FOXP1: variants seen among roughly 807,000 people sequenced by gnomAD.
The protein encoded by FOXP1 is forkhead box protein P1.
Under a neutral mutation model 98.2 loss-of-function variants are expected in FOXP1, and 15 were observed. That is an observed-to-expected ratio of 0.15 (90% CI 0.10 to 0.24). The LOEUF (loss-of-function observed/expected upper bound fraction) is 0.24, where lower values mean the gene tolerates loss of function less well. FOXP1 is among the 10% of genes least tolerant of loss of function. FOXP1 has a pLI of 1.00. For synonymous variants in FOXP1, 371 were observed against 314.5 expected (o/e 1.18, Z -1.90); for missense variants, 633 against 848.5 (o/e 0.75, Z 3.15).
intron 13 of FOXP1, among the ~76,000 whole-genome samples, chr3:71,000,049 T>C (rs911491125): frequency 2.6e-5 from 4 of 152,282 alleles, no homozygotes; most frequent in South Asian, 2.1e-4. Context: ...GCTGTTGCAA[T>C]TGTACATTTT....
rs184046088 is a variant in FOXP1 at position 71,247,272 on chromosome 3, G to A, written c.-11-48880C>T. Among the ~76,000 whole-genome samples the A allele has an allele frequency of 4.0e-3, 604 of 152,306 alleles. 1 individual carries two copies. The highest frequency in any genetic ancestry group is 0.013 in the African/African-American group (556 of 41,570). ...GGTGTTTGACTCTGGTGGCGTTTCT[G>A]TGCTGCAGACCCCAGTCTGAGGGTG... is the stretch of plus-strand genomic sequence containing the variant. On this transcript the variant is annotated intron_variant, in intron 5 of 20. Transcript: ENST00000649528.
intron 12 of FOXP1, among the ~76,000 whole-genome samples, chr3:71,008,898 C>A (rs1168737484): frequency 6.6e-6 from 1 of 151,756 alleles, no homozygotes; most frequent in Non-Finnish European, 1.5e-5. Flanking sequence ...CCTGTGAGTC[C>A]CCCCCACCTC....
At chr3:71,349,012 G>GC (rs1358715873) in intron 4 of FOXP1, among the ~76,000 whole-genome samples, 3 of 152,068 alleles carry the variant, frequency 2.0e-5, no homozygotes, top group Non-Finnish European at 2.9e-5. Flanking sequence ...CACTAATTCT[G>GC]CCCCAACACA....
chr3:71,413,304 ACC>A (rs1290926061), intron 3 of FOXP1, among the ~76,000 whole-genome samples: 159 of 141,850 alleles, frequency 1.1e-3, no homozygotes, highest in African/African-American at 4.0e-3. Flanking sequence ...AAAACAGCCA[ACC>A]AGTATGGAAC....
chr3:71,426,370 G>A lies in FOXP1; in HGVS notation c.-168+67056C>T, dbSNP rs138601907. Among the ~76,000 whole-genome samples the A allele has an allele frequency of 1.6e-3, 241 of 152,282 alleles. 1 individual carries two copies. The highest frequency in any genetic ancestry group is 5.1e-3 in the African/African-American group (213 of 41,554). On this transcript the variant is annotated intron_variant, in intron 3 of 20. Transcript: ENST00000649528. ...AGATGTCAGGAAGGACCATGGAAAC[G>A]TATGGTATATAGTCACTGCCCTCAA...
chr3:71,541,695 A>G (rs2044834903), intron 2 of FOXP1, among the ~76,000 whole-genome samples: 1 of 152,200 alleles, frequency 6.6e-6, no homozygotes, highest in Admixed American at 6.5e-5. Flanking sequence ...TTAAAAAAAA[A>G]AAGTTAAGGC....
At chr3:71,516,227 G>C (rs532781194) in intron 2 of FOXP1, among the ~76,000 whole-genome samples, 45 of 152,232 alleles carry the variant, frequency 3.0e-4, no homozygotes, top group African/African-American at 1.1e-3. Context: ...TTTATGGTAA[G>C]GGTGCTTGAG....
intron 6 of FOXP1, among the ~76,000 whole-genome samples, chr3:71,168,336 A>T (rs979410424): frequency 5.9e-5 from 9 of 152,180 alleles, no homozygotes; most frequent in African/African-American, 2.2e-4. Flanking sequence ...CTATCACATC[A>T]TGAGTACCAT....
At chr3:71,524,994 T>A (rs2043265129) in intron 2 of FOXP1, among the ~76,000 whole-genome samples, 1 of 152,162 alleles carries the variant, frequency 6.6e-6, no homozygotes, top group African/African-American at 2.4e-5. Flanking sequence ...CGGATAACAA[T>A]CCTCACAGCG....
At chr3:71,053,517 G>A (rs550485214) in intron 8 of FOXP1, 119 bp downstream of exon 8, 16 of 1,249,492 alleles carry the variant, frequency 1.3e-5, no homozygotes, top group Middle Eastern at 2.7e-4. Flanking sequence ...CCCCACCCAC[G>A]CTGCTTTACT....
At chr3:71,570,275 T>G (rs1420680498) in intron 2 of FOXP1, 1 of 147,450 alleles carries the variant, frequency 6.8e-6, no homozygotes, top group Admixed American at 6.8e-5. Flanking sequence ...CTACTTTTCT[T>G]TTTTTTTTTT....
chr3:71,070,961 C>T (rs937926150), intron 7 of FOXP1, among the ~76,000 whole-genome samples: 13 of 152,176 alleles, frequency 8.5e-5, no homozygotes, highest in African/African-American at 2.9e-4. Context: ...CCGGGGAAGC[C>T]GGCACAGGGC....
chr3:71,565,076 G>C (rs893447180), intron 2 of FOXP1, among the ~76,000 whole-genome samples: 1 of 152,212 alleles, frequency 6.6e-6, no homozygotes, highest in Non-Finnish European at 1.5e-5. Context: ...TCCAGCCTGG[G>C]CGACAGAGCA....
At chr3:71,328,327 G>C (rs1467995501) in intron 4 of FOXP1, among the ~76,000 whole-genome samples, 1 of 152,040 alleles carries the variant, frequency 6.6e-6, no homozygotes, top group Non-Finnish European at 1.5e-5. Context: ...AAATCAGGAG[G>C]CTCCCAGCTG....
intron 6 of FOXP1, among the ~76,000 whole-genome samples, chr3:71,113,727 T>TAAAATAAAATAAAAG (rs2058130264): frequency 6.8e-6 from 1 of 146,526 alleles, no homozygotes; most frequent in African/African-American, 2.5e-5. Context: ...TAAAATAAAA[T>TAAAATAAAATAAAAG]AAAATAAAAT....
At chr3:71,461,132 C>T (rs1184515734) in intron 3 of FOXP1, among the ~76,000 whole-genome samples, 1 of 152,132 alleles carries the variant, frequency 6.6e-6, no homozygotes, top group Non-Finnish European at 1.5e-5. Flanking sequence ...TCTTGAGTTT[C>T]ATCAGTACGA....
At chr3:71,324,441 A>G (rs2075567377) in intron 4 of FOXP1, among the ~76,000 whole-genome samples, 1 of 152,216 alleles carries the variant, frequency 6.6e-6, no homozygotes. Context: ...CAGCCATAAA[A>G]AAGGATGAGT....
chr3:71,159,878 A>G (rs1342621813), intron 6 of FOXP1, among the ~76,000 whole-genome samples: 1 of 152,240 alleles, frequency 6.6e-6, no homozygotes, highest in Non-Finnish European at 1.5e-5. Flanking sequence ...AGAACTAATT[A>G]ACACAGTTAC....
At chr3:71,378,773 T>A (rs891660282) in intron 3 of FOXP1, among the ~76,000 whole-genome samples, 4 of 151,950 alleles carry the variant, frequency 2.6e-5, no homozygotes, top group Admixed American at 6.6e-5. Context: ...TATTATTAAT[T>A]TGTTTCTGTA....
Sources: allele counts gnomAD v4.1 joint callset (sites outside exome capture counted in the v4.1 genomes callset), GRCh38; gene constraint gnomAD v4.1.1; transcripts MANE v1.5; gene names NCBI Gene and HGNC (gene_info 2026-07-23, HGNC 2026-07-21).